KIF15: variants seen among roughly 807,000 people sequenced by gnomAD.
KIF15 encodes kinesin family member 15.
KIF15 carries 140 observed loss-of-function variants against 190.6 expected under a neutral mutation model. The observed-to-expected ratio is 0.73, with a 90% CI of 0.64 to 0.84. KIF15 has a LOEUF of 0.84. Ranked by LOEUF, KIF15 falls within the 40% of genes least tolerant of loss-of-function variation. The pLI is 0.00. For missense variants in KIF15, 1,372 were observed against 1,584.4 expected, an observed-to-expected ratio of 0.87 and a Z score of 2.28; for synonymous variants, 528 against 551.3, an observed-to-expected ratio of 0.96 and a Z score of 0.59.
chr3:44,815,841 A>C (rs1246053826), intron 20 of KIF15, among the ~76,000 whole-genome samples: 1 of 152,184 alleles, frequency 6.6e-6, no homozygotes, highest in East Asian at 1.9e-4. Flanking sequence ...TGAATGTTAC[A>C]CTGTGAATGT....
chr3:44,784,932 A>G lies in KIF15; in HGVS notation c.449A>G (p.Glu150Gly), dbSNP rs767511090. Residue 150 changes from glutamate (E) to glycine (G), a missense_variant, in exon 6 of 35, where the codon GAA (glutamate) becomes GGA (glycine). Coordinates refer to ENST00000326047, the MANE Select transcript of KIF15 (RefSeq NM_020242.3). ...FEYLFSLIDR[E>G]KEKAGAGKSF... The stretch of plus-strand genomic sequence containing the variant: ...TATTTGTTTTCCTTAATTGATCGTG[A>G]AAAAGAAAAGGTAAAACAATGTAAA... 1 of 1,538,396 alleles carries G rather than the reference A, an allele frequency of 6.5e-7. No homozygotes were observed. The highest frequency in any genetic ancestry group is 1.8e-5 in the Admixed American group (1 of 55,076).
intron 20 of KIF15, among the ~76,000 whole-genome samples, chr3:44,822,290 C>G (rs907888473): frequency 6.6e-6 from 1 of 152,144 alleles, no homozygotes; most frequent in African/African-American, 2.4e-5. Context: ...ATATGAAATT[C>G]TGGGTTGAAA....
chr3:44,791,195 C>T (rs1419650405), intron 7 of KIF15, among the ~76,000 whole-genome samples: 3 of 151,782 alleles, frequency 2.0e-5, no homozygotes, highest in African/African-American at 7.3e-5. Flanking sequence ...GTTTTTGATC[C>T]AGTATGCAGC....
rs567290008 is a variant in KIF15 at position 44,811,374 on chromosome 3, G to A, written c.2169+331G>A. ...AAAAAAGTTAAAAGAGGCCGGGTGC[G>A]GTGGCTCACGCCTGTAATCCCAGCA... On this transcript the variant is annotated intron_variant, in intron 17 of 34. Coordinates refer to ENST00000326047, the MANE Select transcript of KIF15 (RefSeq NM_020242.3). Among the ~76,000 whole-genome samples the A allele has an allele frequency of 4.6e-5, 7 of 152,262 alleles. No homozygotes were observed. In the South Asian group the frequency reaches 1.2e-3, roughly 27 times the overall value.
chr3:44,791,017 A>ACC (rs1706673521), intron 7 of KIF15, among the ~76,000 whole-genome samples: 1 of 151,566 alleles, frequency 6.6e-6, no homozygotes, highest in South Asian at 2.1e-4. Context: ...TTTATTGTAA[A>ACC]CCACATAGCT....
chr3:44,829,530 A>ATTATATATGTATATATATTATATATGTAT (rs1402767626), intron 24 of KIF15, among the ~76,000 whole-genome samples: 1 of 100,348 alleles, frequency 1.0e-5, no homozygotes, highest in Admixed American at 1.3e-4. Flanking sequence ...ATATGTATAT[A>ATTATATATGTATATATATTATATATGTAT]ATATGTATAT....
At chr3:44,847,912 A>G (rs1282072590) in intron 30 of KIF15, 73 bp from the exon 31 acceptor site, 2 of 1,103,976 alleles carry the variant, frequency 1.8e-6, no homozygotes, top group Non-Finnish European at 2.7e-6. Context: ...ATGGATTTGA[A>G]TTTGAAATTG....
chr3:44,806,661 T>C (rs1559551060), intron 16 of KIF15, among the ~76,000 whole-genome samples: 1 of 152,198 alleles, frequency 6.6e-6, no homozygotes, highest in Non-Finnish European at 1.5e-5. Flanking sequence ...GGTGCAGGCC[T>C]GTAGTCCCGG....
rs1193615143 is a variant in KIF15, at chr3:44,820,338, CT to C, written c.2549+5274del. ...GTTGATGCAGTTTCTTTTTTTTTTCCTTTTTTTTTTTTAAACTTTTATTTAT... is the reference window on the plus strand; with the variant it reads ...GTTGATGCAGTTTCTTTTTTTTTTCCTTTTTTTTTTTAAACTTTTATTTAT... On this transcript the variant is annotated intron_variant, in intron 20 of 34. Coordinates refer to ENST00000326047, the MANE Select transcript of KIF15 (RefSeq NM_020242.3). Among the ~76,000 whole-genome samples, 1,142 of 140,446 alleles carry C rather than the reference CT, an allele frequency of 8.1e-3. 4 individuals are homozygous for C. The highest frequency in any genetic ancestry group is 0.011 in the Middle Eastern group (3 of 262). 92.1% of individuals were successfully genotyped at this position (140,446 alleles called of 152,430 possible).
intron 30 of KIF15, among the ~76,000 whole-genome samples, chr3:44,845,500 CAG>C (rs1052595960): frequency 3.3e-5 from 5 of 151,764 alleles, no homozygotes; most frequent in African/African-American, 7.3e-5. Context: ...ACTTTGGAGA[CAG>C]AAACTCTGGC....
chr3:44,858,586 A>G (rs965524199), intron 6 of KIF15, among the ~76,000 whole-genome samples: 1 of 152,130 alleles, frequency 6.6e-6, no homozygotes, highest in Non-Finnish European at 1.5e-5. Flanking sequence ...AAGGGTGGCA[A>G]TGAGATGTGG....
intron 3 of KIF15, among the ~76,000 whole-genome samples, chr3:44,776,208 A>G (rs955198979): frequency 5.3e-5 from 8 of 151,290 alleles, no homozygotes; most frequent in African/African-American, 1.9e-4. Context: ...TCCTTTTTTC[A>G]TCGAACTTTG....
chr3:44,830,832 T>C (rs1698032524), intron 25 of KIF15, 64 bp from the exon 26 acceptor site: 1 of 1,536,724 alleles, frequency 6.5e-7, no homozygotes, highest in East Asian at 2.3e-5. Context: ...AGACTCATTC[T>C]TGTTATTTTA....
chr3:44,799,220 G>A, intron 10 of KIF15: 1 of 456,568 alleles, frequency 2.2e-6, no homozygotes, highest in South Asian at 1.5e-5. Flanking sequence ...ATAAGAATCA[G>A]AAGCAACTGG....
At position 44,835,521 on chromosome 3, in the gene KIF15, G is replaced by A. The variant is rs193052926; in HGVS notation, c.3172-2754G>A. 1.0e-3 allele frequency among the ~76,000 whole-genome samples: 158 copies of A among 152,206 alleles called. 1 individual carries two copies. In the Middle Eastern group the frequency reaches 0.031, roughly 29 times the overall value. ...AGCCTCCCAAATTGCTAGGATTACA[G>A]GTGTGAGCCACCATGCCTGGCCTCA... is the stretch of plus-strand genomic sequence containing the variant. On this transcript the variant is annotated intron_variant, in intron 26 of 34. Coordinates refer to ENST00000326047, the MANE Select transcript of KIF15 (RefSeq NM_020242.3).
chr3:44,797,682 G>A lies in KIF15; in HGVS notation c.975+6G>A. ...AACTTACCTTCTTACTACGGGTAAAGTAGATCCTTGGGTTCCTGGGCTCCT... is the reference window on the plus strand; with the variant it reads ...AACTTACCTTCTTACTACGGGTAAAATAGATCCTTGGGTTCCTGGGCTCCT... On this transcript the variant is annotated splice_donor_region_variant and intron_variant, in intron 9 of 34. Transcript: ENST00000326047. 1 of 1,613,452 alleles carries A rather than the reference G, an allele frequency of 6.2e-7. No homozygotes were observed. The highest frequency in any genetic ancestry group is 8.5e-7 in the Non-Finnish European group (1 of 1,179,728).
In KIF15 at chr3:44,801,952, A is replaced by G. The variant is rs757930793; in HGVS notation, c.1487A>G (p.Glu496Gly). 1 of 1,611,430 alleles carries G rather than the reference A, an allele frequency of 6.2e-7. No homozygotes were observed. Among genetic ancestry groups the G allele is most frequent in the African/African-American group, 1.3e-5 (1 of 75,036 alleles). Residue 496 changes from glutamate to glycine, a missense_variant, in exon 13 of 35, where the codon GAG (glutamate) becomes GGG (glycine). Physicochemically the swap from Glu to Gly is moderately conservative, Grantham distance 98 (BLOSUM62 -2). Transcript: ENST00000326047. Reference protein sequence around the residue: ...QDRLLSELRNEIQTLREQIEH... With the variant: ...QDRLLSELRNGIQTLREQIEH... ...CGTTTGCTCTCAGAATTAAGGAATGAGATTCAAACTCTGCGAGAACAAGTG... is the reference window on the plus strand; with the variant it reads ...CGTTTGCTCTCAGAATTAAGGAATGGGATTCAAACTCTGCGAGAACAAGTG...
At chr3:44,846,133 T>A (rs1042838785) in intron 30 of KIF15, among the ~76,000 whole-genome samples, 3 of 152,148 alleles carry the variant, frequency 2.0e-5, no homozygotes, top group Admixed American at 2.0e-4. Flanking sequence ...TGGCAGAAGG[T>A]TTTAATTAAT....
chr3:44,767,894 C>CAAA (rs1181321859), intron 1 of KIF15, among the ~76,000 whole-genome samples: 7 of 37,092 alleles, frequency 1.9e-4, no homozygotes, highest in African/African-American at 4.1e-4. Context: ...GACTCCATCT[C>CAAA]AAAAAAAAAA....
Sources: allele counts gnomAD v4.1 joint callset (sites outside exome capture counted in the v4.1 genomes callset), GRCh38; gene constraint gnomAD v4.1.1; transcripts MANE v1.5; gene names NCBI Gene and HGNC (gene_info 2026-07-23, HGNC 2026-07-21).